Variants in DBF4B observed in about 807,000 individuals in gnomAD.
DBF4B encodes protein DBF4 homolog B.
DBF4B carries 49 observed loss-of-function variants against 53.4 expected under a neutral mutation model. The ratio of observed to expected loss-of-function variants is 0.92; its 90% confidence interval spans 0.73 to 1.16. The LOEUF is 1.16. DBF4B is among the 50% of genes most tolerant of loss of function. DBF4B has a pLI of 0.00. For missense variants in DBF4B, 692 were observed against 775.0 expected, an observed-to-expected ratio of 0.89 and a Z score of 1.27; for synonymous variants, 257 against 288.7, an observed-to-expected ratio of 0.89 and a Z score of 1.11.
At chr17:44,747,344 C>G (rs777606358) in intron 11 of DBF4B, 47 bp from the exon 12 acceptor site, 6 of 1,609,568 alleles carry the variant, frequency 3.7e-6, no homozygotes, top group Non-Finnish European at 5.1e-6. Context: ...TGTCCCCCTC[C>G]CCCCAGGCCT....
intron 2 of DBF4B, among the ~76,000 whole-genome samples, chr17:44,722,342 C>T (rs990930167): frequency 2.6e-5 from 4 of 152,128 alleles, no homozygotes; most frequent in African/African-American, 7.2e-5. Context: ...ATTCAGGAGC[C>T]AACAAGTTCA....
intron 9 of DBF4B, among the ~76,000 whole-genome samples, chr17:44,740,647 C>CA (rs1031475102): frequency 5.3e-5 from 8 of 152,190 alleles, no homozygotes; most frequent in Non-Finnish European, 1.5e-5. Flanking sequence ...GGTCAAGAAA[C>CA]AAATGGGAAG....
chr17:44,739,000 T>G (rs1488955041), intron 9 of DBF4B, among the ~76,000 whole-genome samples: 1 of 152,208 alleles, frequency 6.6e-6, no homozygotes, highest in East Asian at 1.9e-4. Flanking sequence ...TGGGGAAAAC[T>G]GAGGTCAGAG....
intron 3 of DBF4B, among the ~76,000 whole-genome samples, chr17:44,726,240 C>T (rs1178185381): frequency 6.6e-6 from 1 of 152,002 alleles, no homozygotes; most frequent in African/African-American, 2.4e-5. Context: ...CCACCCACCT[C>T]AGCCTCCCAA....
chr17:44,714,139 G>A lies in DBF4B; in HGVS notation c.82+4773G>A, dbSNP rs112794070. Among the ~76,000 whole-genome samples the A allele has an allele frequency of 7.9e-5, 12 of 152,230 alleles. 1 individual carries two copies. Among genetic ancestry groups the A allele is most frequent in the African/African-American group, 2.9e-4 (12 of 41,552 alleles). Reference sequence around the variant, plus strand: ...CTAAGCTGTGAGGATGCAAAGACATGCAAAGTCATATAATGGACTTTGGGG... The same window carrying A: ...CTAAGCTGTGAGGATGCAAAGACATACAAAGTCATATAATGGACTTTGGGG... On this transcript the variant is annotated intron_variant, in intron 2 of 13. Coordinates refer to ENST00000315005, the MANE Select transcript of DBF4B (RefSeq NM_145663.3).
chr17:44,712,029 G>A (rs1326020294), intron 2 of DBF4B, among the ~76,000 whole-genome samples: 2 of 151,200 alleles, frequency 1.3e-5, no homozygotes, highest in Non-Finnish European at 3.0e-5. Context: ...CCCAGGAGGT[G>A]GAGGTTGCAG....
At chr17:44,719,153 G>C (rs147132536) in intron 2 of DBF4B, 1 of 151,932 alleles carries the variant, frequency 6.6e-6, no homozygotes, top group East Asian at 2.0e-4. Flanking sequence ...TTTTAGTAGA[G>C]ACAGGGTTTC....
At chr17:44,716,075 C>T (rs193218418) in intron 2 of DBF4B, among the ~76,000 whole-genome samples, 14 of 151,984 alleles carry the variant, frequency 9.2e-5, no homozygotes, top group Admixed American at 6.6e-4. Flanking sequence ...CCACCCGCCT[C>T]GGCCTCCCAA....
At chr17:44,713,994 A>G (rs1407932863) in intron 2 of DBF4B, among the ~76,000 whole-genome samples, 1 of 151,782 alleles carries the variant, frequency 6.6e-6, no homozygotes, top group East Asian at 1.9e-4. Flanking sequence ...CTACTTAGCC[A>G]TAAAAAGGAA....
intron 6 of DBF4B, 128 bp downstream of exon 6, chr17:44,732,393 G>A: frequency 2.0e-6 from 2 of 1,004,644 alleles, no homozygotes; most frequent in Non-Finnish European, 3.0e-6. Context: ...CAGCTGCCAT[G>A]TTGATCCACA....
chr17:44,725,681 C>CTTTTTTTTTT (rs1568172432), intron 3 of DBF4B, among the ~76,000 whole-genome samples: 1 of 79,096 alleles, frequency 1.3e-5, no homozygotes, highest in African/African-American at 7.5e-5. Flanking sequence ...TTTTTTTGTG[C>CTTTTTTTTTT]TTCTTTTTTT....
chr17:44,734,280 A>G, intron 7 of DBF4B, 117 bp downstream of exon 7: 2 of 1,283,554 alleles, frequency 1.6e-6, no homozygotes, highest in Non-Finnish European at 2.2e-6. Flanking sequence ...TGAAAGATGG[A>G]AGAGGAATGC....
At chr17:44,727,107 A>G (rs969529180) in intron 3 of DBF4B, among the ~76,000 whole-genome samples, 2 of 149,288 alleles carry the variant, frequency 1.3e-5, no homozygotes, top group East Asian at 2.0e-4. Context: ...TCAAAAAAAA[A>G]AAAAAAAAAA....
intron 2 of DBF4B, among the ~76,000 whole-genome samples, chr17:44,710,154 C>CA (rs1972734584): frequency 6.6e-6 from 1 of 152,008 alleles, no homozygotes. Flanking sequence ...ACCTGGGCGA[C>CA]CGAGCGAGAC....
chr17:44,726,988 A>T (rs1448855805), intron 3 of DBF4B, among the ~76,000 whole-genome samples: 1 of 148,730 alleles, frequency 6.7e-6, no homozygotes. Flanking sequence ...AATCCCAGCT[A>T]CTCGGGAGGC....
At chr17:44,745,738 A>G (rs1428157314) in intron 10 of DBF4B, among the ~76,000 whole-genome samples, 1 of 152,252 alleles carries the variant, frequency 6.6e-6, no homozygotes, top group Non-Finnish European at 1.5e-5. Context: ...TTTGCCATGC[A>G]TACATATTTT....
chr17:44,747,215 G>T, intron 11 of DBF4B, 24 bp downstream of exon 11: 1 of 1,612,236 alleles, frequency 6.2e-7, no homozygotes, highest in South Asian at 1.1e-5. Context: ...CCATTAAGCA[G>T]CTGCTCCCAG....
Position 44,749,154 on chromosome 17 carries a change from C to T in DBF4B, c.1189+689C>T, listed in dbSNP as rs753195593. 3.1e-6 allele frequency: 4 copies of T among 1,289,766 alleles called. No homozygotes were observed. In the African/African-American group the frequency reaches 4.5e-5, roughly 15 times the overall value. 79.9% of individuals were successfully genotyped at this position (1,289,766 alleles called of 1,614,324 possible). On this transcript the variant is annotated intron_variant, in intron 13 of 13. Coordinates refer to ENST00000315005, the MANE Select transcript of DBF4B (RefSeq NM_145663.3). The surrounding 1 kb of genome is among the most constrained non-coding windows in gnomAD (Gnocchi z 4.4). ...GAGCACCTGTAGAGAGCAGGTCTACCTCCCTCCTGCAGCCCCTGCCAGCCA... is the reference window on the plus strand; with the variant it reads ...GAGCACCTGTAGAGAGCAGGTCTACTTCCCTCCTGCAGCCCCTGCCAGCCA...
intron 3 of DBF4B, among the ~76,000 whole-genome samples, chr17:44,727,864 A>AT (rs756222247): frequency 0.045 from 4,837 of 106,628 alleles, 145 homozygotes; most frequent in Middle Eastern, 0.064. Context: ...TGCCCGGGTA[A>AT]TTTTTTTTTT....
Sources: gnomAD v4.1 joint callset for allele counts (sites outside exome capture counted in the v4.1 genomes callset) on GRCh38, gnomAD v4.1.1 for gene constraint, Gnocchi (gnomAD v3.1) non-coding constraint, MANE v1.5 for transcripts, NCBI Gene and HGNC (gene_info 2026-07-23, HGNC 2026-07-21) for gene names.